RHEX: variants seen among roughly 807,000 people sequenced by gnomAD.
RHEX encodes the protein regulator of hemoglobinization and erythroid cell expansion protein.
RHEX carries 18 observed loss-of-function variants against 20.1 expected under a neutral mutation model. That is an observed-to-expected ratio of 0.90 (90% CI 0.62 to 1.33). The LOEUF (loss-of-function observed/expected upper bound fraction) is 1.33. Among genes scored for constraint, RHEX ranks in the 40% most tolerant of loss-of-function variants. The pLI is 0.00. For synonymous variants in RHEX, 87 were observed against 77.1 expected (o/e 1.13, Z -0.67); for missense variants, 192 against 214.3 (o/e 0.90, Z 0.65).
intron 1 of RHEX, among the ~76,000 whole-genome samples, chr1:206,086,394 G>A (rs1409067964): frequency 6.6e-6 from 1 of 151,754 alleles, no homozygotes; most frequent in East Asian, 1.9e-4. Flanking sequence ...TGTTGTCCAG[G>A]CTTGTCTCAA....
chr1:206,096,796 A>T (rs1663081400), intron 1 of RHEX, among the ~76,000 whole-genome samples: 1 of 126,312 alleles, frequency 7.9e-6, no homozygotes, highest in Non-Finnish European at 1.6e-5. Context: ...TTTTTTTGAG[A>T]CAGGGTCTTG....
intron 1 of RHEX, among the ~76,000 whole-genome samples, chr1:206,066,617 C>CA (rs1193771256): frequency 1.8e-3 from 276 of 150,428 alleles, no homozygotes; most frequent in African/African-American, 5.3e-3. Context: ...GACTCTGTCT[C>CA]AAAAAAAAAG....
intron 1 of RHEX, among the ~76,000 whole-genome samples, chr1:206,055,800 A>G (rs1412677071): frequency 6.6e-6 from 1 of 152,288 alleles, no homozygotes; most frequent in Non-Finnish European, 1.5e-5. Flanking sequence ...AAAGAGAAAA[A>G]GTGGCAGTTG....
At chr1:206,060,000 C>T (rs552564205) in intron 1 of RHEX, among the ~76,000 whole-genome samples, 3 of 152,258 alleles carry the variant, frequency 2.0e-5, no homozygotes, top group South Asian at 2.1e-4. Context: ...TTTTCTGGAC[C>T]TCCTGTCATA....
At chr1:206,077,847 A>G (rs145643329) in intron 1 of RHEX, among the ~76,000 whole-genome samples, 305 of 152,194 alleles carry the variant, frequency 2.0e-3, no homozygotes, top group African/African-American at 7.1e-3. Flanking sequence ...GGCACATCAC[A>G]TTTTTTTCTG....
intron 1 of RHEX, among the ~76,000 whole-genome samples, chr1:206,092,050 TTCTC>T (rs1294755530): frequency 7.6e-5 from 11 of 144,764 alleles, no homozygotes; most frequent in East Asian, 2.0e-4. Context: ...CTTTCTCTCT[TTCTC>T]TCTCTCTCTT....
At chr1:206,058,256 C>T (rs1368075085) in intron 1 of RHEX, among the ~76,000 whole-genome samples, 1 of 151,942 alleles carries the variant, frequency 6.6e-6, no homozygotes, top group Non-Finnish European at 1.5e-5. Flanking sequence ...TGTCTGATAC[C>T]TGTATTTCTC....
At position 206,101,666 on chromosome 1, in the gene RHEX, T is replaced by C. The variant is rs57616356; in HGVS notation, c.319-86T>C. On this transcript the variant is annotated intron_variant, in intron 5 of 5. Coordinates refer to ENST00000331555, the MANE Select transcript of RHEX (RefSeq NM_001007544.4). Reference sequence around the variant, plus strand: ...TCCCCACCAAGCCATGGGCGAATCTTGTTGAGTAAGAGTTCAGTCCTGGGG... The same window carrying C: ...TCCCCACCAAGCCATGGGCGAATCTCGTTGAGTAAGAGTTCAGTCCTGGGG... 0.016 allele frequency: 16,309 copies of C among 1,051,822 alleles called. 1,479 individuals are homozygous for C. In the African/African-American group the frequency reaches 0.21, roughly 14 times the overall value. The allele number at this position is 1,051,822 out of a possible 1,614,324, so 65.2% of individuals were successfully genotyped here.
chr1:206,070,045 TA>T (rs879997141), intron 1 of RHEX, among the ~76,000 whole-genome samples: 4,721 of 142,948 alleles, frequency 0.033, 195 homozygotes, highest in African/African-American at 0.1. Context: ...CATTTACTAT[TA>T]AAAAAAAAAA....
intron 1 of RHEX, among the ~76,000 whole-genome samples, chr1:206,075,924 A>C (rs1382632248): frequency 1.3e-5 from 2 of 152,124 alleles, no homozygotes; most frequent in Non-Finnish European, 2.9e-5. Flanking sequence ...AATGCTGATG[A>C]AACATCACTG....
At chr1:206,057,439 G>A (rs1662214712) in intron 1 of RHEX, among the ~76,000 whole-genome samples, 1 of 152,256 alleles carries the variant, frequency 6.6e-6, no homozygotes, top group Non-Finnish European at 1.5e-5. Context: ...TAGTTGTCTT[G>A]GGCAAAAGCT....
chr1:206,094,171 T>G (rs1386677897), intron 1 of RHEX, among the ~76,000 whole-genome samples: 1 of 92,816 alleles, frequency 1.1e-5, no homozygotes, highest in African/African-American at 4.2e-5. Flanking sequence ...GGTTATTTGG[T>G]GTGTGTGTGT....
intron 1 of RHEX, among the ~76,000 whole-genome samples, chr1:206,074,585 G>T (rs1401838843): frequency 6.6e-6 from 1 of 152,150 alleles, no homozygotes; most frequent in Non-Finnish European, 1.5e-5. Flanking sequence ...ACCCACTGTT[G>T]TGCGCCACCA....
intron 3 of RHEX, 37 bp from the exon 4 acceptor site, chr1:206,099,618 C>T (rs1553288134): frequency 1.2e-6 from 2 of 1,606,336 alleles, no homozygotes; most frequent in Non-Finnish European, 1.7e-6. Flanking sequence ...TGCGCCTGGC[C>T]AGTTTCCACT....
chr1:206,069,116 G>T (rs1662483671), intron 1 of RHEX, among the ~76,000 whole-genome samples: 1 of 152,230 alleles, frequency 6.6e-6, no homozygotes, highest in Non-Finnish European at 1.5e-5. Flanking sequence ...CTCTTGGGCA[G>T]TACTTCCCAA....
chr1:206,099,573 C>T, intron 3 of RHEX, 82 bp from the exon 4 acceptor site: 3 of 1,354,416 alleles, frequency 2.2e-6, no homozygotes, highest in Non-Finnish European at 3.1e-6. Flanking sequence ...TTTACCTCAG[C>T]CTCCCAAATT....
intron 4 of RHEX, 149 bp from the exon 5 acceptor site, chr1:206,100,987 G>A: frequency 1.8e-6 from 1 of 569,430 alleles, no homozygotes; most frequent in Non-Finnish European, 3.1e-6. Context: ...TGGGGTCTCT[G>A]TATCTCTCTT....
At chr1:206,064,928 A>G (rs1260644228) in intron 1 of RHEX, among the ~76,000 whole-genome samples, 9 of 152,138 alleles carry the variant, frequency 5.9e-5, no homozygotes, top group Non-Finnish European at 1.3e-4. Context: ...TTTGTTCTGT[A>G]CTAAGAGAAG....
intron 1 of RHEX, among the ~76,000 whole-genome samples, chr1:206,054,126 C>T (rs76780098): frequency 7.0e-6 from 1 of 142,220 alleles, no homozygotes; most frequent in African/African-American, 2.7e-5. Context: ...TGGTTATCTT[C>T]AAAAAAAAAA....
Sources: allele counts gnomAD v4.1 joint callset (sites outside exome capture counted in the v4.1 genomes callset), GRCh38; gene constraint gnomAD v4.1.1; transcripts MANE v1.5; gene names NCBI Gene and HGNC (gene_info 2026-07-23, HGNC 2026-07-21).